Variants in TBC1D14 observed in about 807,000 individuals in gnomAD.
The protein encoded by TBC1D14 is TBC1 domain family, member 14.
TBC1D14 carries 26 observed loss-of-function variants against 79.0 expected under a neutral mutation model. The observed-to-expected ratio is 0.33, with a 90% CI of 0.24 to 0.46. The LOEUF (loss-of-function observed/expected upper bound fraction) is 0.46. Ranked by LOEUF, TBC1D14 falls within the 20% of genes least tolerant of loss-of-function variation. The pLI is 1.00. For missense variants in TBC1D14, 769 were observed against 887.6 expected, an observed-to-expected ratio of 0.87 and a Z score of 1.70; for synonymous variants, 394 against 349.9, an observed-to-expected ratio of 1.13 and a Z score of -1.40.
chr4:7,001,504 G>A (rs1220003690), intron 7 of TBC1D14: 3 of 428,940 alleles, frequency 7.0e-6, no homozygotes, highest in Non-Finnish European at 1.3e-5. Flanking sequence ...TAGAGCATCG[G>A]GGAGGTGCCT....
intron 9 of TBC1D14, 106 bp downstream of exon 9, chr4:7,006,832 G>A: frequency 1.0e-6 from 1 of 970,820 alleles, no homozygotes; most frequent in Non-Finnish European, 1.6e-6. Flanking sequence ...GGGTTTTTGG[G>A]GGTGTTAGGA....
chr4:7,027,232 G>A lies in TBC1D14; in HGVS notation c.2016+1970G>A, dbSNP rs190946268. 2.2e-3 allele frequency among the ~76,000 whole-genome samples: 333 copies of A among 151,654 alleles called. 2 individuals are homozygous for A. The highest frequency in any genetic ancestry group is 4.0e-3 in the Non-Finnish European group (268 of 67,808). The stretch of plus-strand genomic sequence containing the variant: ...TCTCAAAAAAACCCCAAAAAAGCAG[G>A]TCATTTGTCCTGTAACATTTCCCAC... On this transcript the variant is annotated intron_variant, in intron 13 of 13. Transcript: ENST00000409757.
rs538972596 is a variant in TBC1D14, at chr4:6,958,376, T to TATACACACACACACACAC, written c.723-8927_723-8926insTACACACACACACACACA. Among the ~76,000 whole-genome samples, 744 of 149,208 alleles carry TATACACACACACACACAC rather than the reference T, an allele frequency of 5.0e-3. 3 individuals carry two copies. Among genetic ancestry groups the TATACACACACACACACAC allele is most frequent in the Middle Eastern group, 0.014 (4 of 290 alleles). On this transcript the variant is annotated intron_variant, in intron 2 of 13. Transcript: ENST00000409757. ...GGGTGATACACGTGATCCCCACATA[T>TATACACACACACACACAC]ACACACACACACACACACACACACA... is the stretch of plus-strand genomic sequence containing the variant.
chr4:6,988,120 C>T (rs1225491640), intron 3 of TBC1D14, among the ~76,000 whole-genome samples: 1 of 152,150 alleles, frequency 6.6e-6, no homozygotes, highest in Non-Finnish European at 1.5e-5. Flanking sequence ...CATTCTTCCC[C>T]CTCAAAATGG....
intron 6 of TBC1D14, among the ~76,000 whole-genome samples, chr4:7,000,568 G>A (rs1344756845): frequency 2.0e-5 from 3 of 152,356 alleles, no homozygotes; most frequent in Middle Eastern, 3.4e-3. Context: ...GCTGTTGGCA[G>A]TGTGTGTTCC....
Position 7,011,284 on chromosome 4 carries a change from C to T in TBC1D14, c.1647+503C>T, listed in dbSNP as rs1029461408. ...AGGCAGCCATTTGTTTAGTGGACCG[C>T]TCTAGTCTTTATGACACTGCGTAAG... On this transcript the variant is annotated intron_variant, in intron 11 of 13. Coordinates refer to ENST00000409757, the MANE Select transcript of TBC1D14 (RefSeq NM_020773.3). 2.6e-5 allele frequency among the ~76,000 whole-genome samples: 4 copies of T among 151,308 alleles called. No homozygotes were observed. In the Middle Eastern group the frequency reaches 0.014, roughly 515 times the overall value.
At chr4:6,961,797 G>C (rs1443112533) in intron 2 of TBC1D14, among the ~76,000 whole-genome samples, 3 of 152,146 alleles carry the variant, frequency 2.0e-5, no homozygotes, top group Non-Finnish European at 4.4e-5. Flanking sequence ...CACACCTGGG[G>C]CGCGACTGGC....
chr4:7,016,420 G>A (rs955995932), intron 12 of TBC1D14, among the ~76,000 whole-genome samples: 8 of 152,230 alleles, frequency 5.3e-5, no homozygotes, highest in African/African-American at 1.4e-4. Flanking sequence ...ATTTGACTGC[G>A]AGCCCTGCCC....
intron 12 of TBC1D14, 45 bp downstream of exon 12, chr4:7,014,602 T>TGAGAG: frequency 7.4e-7 from 1 of 1,345,160 alleles, no homozygotes; most frequent in South Asian, 1.2e-5. Flanking sequence ...TTCTCAGCCC[T>TGAGAG]TGTCTGTTCT....
intron 3 of TBC1D14, chr4:6,987,283 A>AG: frequency 7.5e-7 from 1 of 1,338,440 alleles, no homozygotes; most frequent in Non-Finnish European, 9.6e-7. Context: ...GGAGGGAGGG[A>AG]GGCCGGCCCT....
chr4:6,987,116 C>T (rs1051268171), intron 3 of TBC1D14: 1 of 1,184,504 alleles, frequency 8.4e-7, no homozygotes, highest in South Asian at 4.2e-5. Context: ...GCTCATCAGC[C>T]CCGCCCCCTT....
chr4:6,912,084 T>G (rs1723040334), intron 1 of TBC1D14, among the ~76,000 whole-genome samples: 1 of 152,100 alleles, frequency 6.6e-6, no homozygotes, highest in African/African-American at 2.4e-5. Flanking sequence ...ACATTTGTTT[T>G]AGGACCACGT....
intron 12 of TBC1D14, among the ~76,000 whole-genome samples, chr4:7,021,019 A>G (rs538079686): frequency 1.3e-5 from 2 of 152,362 alleles, no homozygotes; most frequent in African/African-American, 4.8e-5. Flanking sequence ...CCTGATTAGT[A>G]GACAGGGCAG....
Position 7,009,887 on chromosome 4 carries a change from A to T in TBC1D14, c.1457A>T (p.Tyr486Phe). 6.2e-7 allele frequency: 1 copy of T among 1,614,206 alleles called. No homozygotes were observed. The highest frequency in any genetic ancestry group is 2.2e-5 in the East Asian group (1 of 44,884). ...TGTTGATCCTTTTAGGGTGGTCCATATCATGACATGTTGCACAGTATTTTG... is the reference window on the plus strand; with the variant it reads ...TGTTGATCCTTTTAGGGTGGTCCATTTCATGACATGTTGCACAGTATTTTG... Reference protein sequence around the residue: ...NLCIFQQGGPYHDMLHSILGA... With the variant: ...NLCIFQQGGPFHDMLHSILGA... Residue 486 changes from tyrosine to phenylalanine, a missense_variant, in exon 10 of 14, where the codon TAT (tyrosine) becomes TTT (phenylalanine). Coordinates refer to ENST00000409757, the MANE Select transcript of TBC1D14 (RefSeq NM_020773.3).
rs191176431 is a variant in TBC1D14 at position 6,945,578 on chromosome 4, G to A, written c.722+21467G>A. On this transcript the variant is annotated intron_variant, in intron 2 of 13. Coordinates refer to ENST00000409757, the MANE Select transcript of TBC1D14 (RefSeq NM_020773.3). ...AGCCTGACCAACATGGAGAAACCCC[G>A]TCTCTACTAAAAATGCAAAATTAGC... Among the ~76,000 whole-genome samples the A allele has an allele frequency of 2.7e-4, 41 of 151,944 alleles. No individual in the cohort carries two copies. In the East Asian group the frequency reaches 3.9e-3, roughly 14 times the overall value.
chr4:6,978,134 G>A (rs1199125644), intron 3 of TBC1D14, among the ~76,000 whole-genome samples: 4 of 143,342 alleles, frequency 2.8e-5, no homozygotes, highest in African/African-American at 5.3e-5. Context: ...TCAGCCCCCC[G>A]CCCGGCTAGC....
intron 3 of TBC1D14, among the ~76,000 whole-genome samples, chr4:6,977,021 C>A (rs1716769968): frequency 7.8e-6 from 1 of 127,928 alleles, no homozygotes; most frequent in Admixed American, 8.4e-5. Flanking sequence ...AGAAGAAAAT[C>A]AGGGCGCTCC....
chr4:6,931,729 C>G (rs1003086122), intron 2 of TBC1D14, among the ~76,000 whole-genome samples: 5 of 152,118 alleles, frequency 3.3e-5, no homozygotes, highest in South Asian at 2.1e-4. Context: ...TGCTGTGTAC[C>G]AAGCACTGTG....
At chr4:6,929,706 C>T (rs1711550657) in intron 2 of TBC1D14, among the ~76,000 whole-genome samples, 1 of 152,188 alleles carries the variant, frequency 6.6e-6, no homozygotes, top group Non-Finnish European at 1.5e-5. Context: ...AAGCCTGTCA[C>T]AGCCAGACTG....
Sources: allele counts gnomAD v4.1 joint callset (sites outside exome capture counted in the v4.1 genomes callset), GRCh38; gene constraint gnomAD v4.1.1; transcripts MANE v1.5; gene names NCBI Gene and HGNC (gene_info 2026-07-23, HGNC 2026-07-21).